TEN1: variants seen among roughly 807,000 people sequenced by gnomAD.
The protein encoded by TEN1 is CST complex subunit TEN1.
TEN1 carries 6 observed loss-of-function variants against 9.3 expected under a neutral mutation model. The observed-to-expected ratio is 0.65, with a 90% CI of 0.35 to 1.27. The LOEUF is 1.27. Ranked by LOEUF, TEN1 falls within the 50% of genes most tolerant of loss-of-function variation. TEN1 has a pLI of 0.03. For missense variants in TEN1, 149 were observed against 158.2 expected, an observed-to-expected ratio of 0.94 and a Z score of 0.31; for synonymous variants, 65 against 65.6, an observed-to-expected ratio of 0.99 and a Z score of 0.04.
intron 2 of TEN1, among the ~76,000 whole-genome samples, chr17:75,990,980 T>C (rs2066180882): frequency 6.6e-6 from 1 of 150,654 alleles, no homozygotes; most frequent in Admixed American, 6.6e-5. Flanking sequence ...TAAAACCCCT[T>C]CTCTACTAAA....
At chr17:75,993,681 C>T (rs1283349435) in intron 3 of TEN1, among the ~76,000 whole-genome samples, 1 of 152,102 alleles carries the variant, frequency 6.6e-6, no homozygotes, top group Non-Finnish European at 1.5e-5. Flanking sequence ...ATAGCAACAC[C>T]TCTGTTGGGT....
chr17:75,986,044 A>G, intron 1 of TEN1, 143 bp from the exon 2 acceptor site: 1 of 625,728 alleles, frequency 1.6e-6, no homozygotes, highest in South Asian at 2.7e-5. Context: ...CCCCCCAAAA[A>G]ATTTTTTTTT....
intron 3 of TEN1, among the ~76,000 whole-genome samples, chr17:75,993,354 C>T (rs529250109): frequency 5.3e-5 from 8 of 152,084 alleles, no homozygotes; most frequent in Admixed American, 1.3e-4. Context: ...CTGCCCGCCT[C>T]GGCCTCCCAA....
chr17:75,982,857 C>A (rs2066129780), intron 1 of TEN1, among the ~76,000 whole-genome samples: 1 of 151,612 alleles, frequency 6.6e-6, no homozygotes, highest in South Asian at 2.1e-4. Context: ...ATTACAGGCA[C>A]CCGCCATCAT....
intron 1 of TEN1, among the ~76,000 whole-genome samples, chr17:75,982,286 A>G (rs1253587387): frequency 6.6e-6 from 1 of 152,218 alleles, no homozygotes; most frequent in East Asian, 1.9e-4. Flanking sequence ...TTTATGTTCA[A>G]TCATTTGCAT....
chr17:75,999,501 C>T (rs1490973394), intron 3 of TEN1, among the ~76,000 whole-genome samples: 1 of 152,010 alleles, frequency 6.6e-6, no homozygotes, highest in Non-Finnish European at 1.5e-5. Flanking sequence ...CACCACTACA[C>T]GCGGCTAATT....
In TEN1 at chr17:76,000,301, C is replaced by T. The variant is rs764220647; in HGVS notation, c.*39C>T. 2 of 1,538,362 alleles carry T rather than the reference C, an allele frequency of 1.3e-6. No homozygotes were observed. The highest frequency in any genetic ancestry group is 1.8e-6 in the Non-Finnish European group (2 of 1,139,268). Reference sequence around the variant, plus strand: ...AGCAACACCCTCACCTGCTTCAGAGCCCGAACCCTCTGGAGCTGCAGGAGC... The same window carrying T: ...AGCAACACCCTCACCTGCTTCAGAGTCCGAACCCTCTGGAGCTGCAGGAGC... On this transcript the variant is annotated 3_prime_UTR_variant, in exon 4 of 4. Coordinates refer to ENST00000397640, the MANE Select transcript of TEN1 (RefSeq NM_001113324.3). This position sits in a 1 kb window ranked among gnomAD's most constrained non-coding sequence, Gnocchi z 5.9.
chr17:75,986,467 C>T (rs1259798665), intron 2 of TEN1, among the ~76,000 whole-genome samples, 183 bp downstream of exon 2: 2 of 151,770 alleles, frequency 1.3e-5, no homozygotes, highest in African/African-American at 4.8e-5. Context: ...TTTGGGAGGC[C>T]GAGGTGGGTG....
intron 1 of TEN1, 147 bp from the exon 2 acceptor site, chr17:75,986,039 CA>C: frequency 1.0e-5 from 6 of 583,190 alleles, no homozygotes; most frequent in South Asian, 2.7e-5. Context: ...TCCCTCCCCC[CA>C]AAAAATTTTT....
intron 1 of TEN1, among the ~76,000 whole-genome samples, chr17:75,981,904 G>A (rs1312200790): frequency 6.6e-6 from 1 of 152,180 alleles, no homozygotes; most frequent in Non-Finnish European, 1.5e-5. Flanking sequence ...CCATGTGCCT[G>A]TAGTCCCGGC....
At chr17:75,981,598 T>TG (rs2066120343) in intron 1 of TEN1, among the ~76,000 whole-genome samples, 1 of 135,062 alleles carries the variant, frequency 7.4e-6, no homozygotes, top group Non-Finnish European at 1.6e-5. Flanking sequence ...AGCAAGTTGT[T>TG]TTTTTTTTTT....
chr17:75,980,586 C>T (rs947746721), intron 1 of TEN1, among the ~76,000 whole-genome samples: 3 of 151,306 alleles, frequency 2.0e-5, no homozygotes, highest in Non-Finnish European at 4.4e-5. Context: ...CGCCACCACA[C>T]CCAGCTAATT....
chr17:75,985,967 G>A (rs1031131771), intron 1 of TEN1, among the ~76,000 whole-genome samples: 6 of 151,462 alleles, frequency 4.0e-5, no homozygotes, highest in Non-Finnish European at 8.8e-5. Context: ...GTATACATGT[G>A]CCATGTTGGT....
chr17:75,992,597 C>T (rs2066192726), intron 3 of TEN1, among the ~76,000 whole-genome samples: 1 of 151,904 alleles, frequency 6.6e-6, no homozygotes, highest in African/African-American at 2.4e-5. Flanking sequence ...ACTGCAAGCT[C>T]CGCCTCCCGG....
At chr17:75,988,584 A>T (rs1229603358) in intron 2 of TEN1, among the ~76,000 whole-genome samples, 1 of 150,680 alleles carries the variant, frequency 6.6e-6, no homozygotes, top group Admixed American at 6.6e-5. Flanking sequence ...AAAAAAAAAA[A>T]AAAGAAAAGA....
chr17:75,998,285 A>G (rs1157898990), intron 3 of TEN1, among the ~76,000 whole-genome samples: 1 of 147,880 alleles, frequency 6.8e-6, no homozygotes, highest in Non-Finnish European at 1.5e-5. Flanking sequence ...CTCGTGCCTC[A>G]GCCTCCCAAG....
chr17:76,000,569 A>AG lies in TEN1; in HGVS notation c.*312dup, dbSNP rs1198179046. ...AGAAGGTCCTGGTGAATAAAGGCCC[A>AG]GGGGGCGTGCTCTTGAAGTGTGCTC... On this transcript the variant is annotated 3_prime_UTR_variant, in exon 4 of 4. Transcript: ENST00000397640. The surrounding 1 kb of genome is among the most constrained non-coding windows in gnomAD (Gnocchi z 5.9). The AG allele has an allele frequency of 3.4e-6, 1 of 296,906 alleles. No individual in the cohort carries two copies. The highest frequency in any genetic ancestry group is 6.3e-6 in the Non-Finnish European group (1 of 159,992). 18.4% of individuals were successfully genotyped at this position (296,906 alleles called of 1,614,324 possible).
chr17:75,989,457 G>C (rs889611998), intron 2 of TEN1, among the ~76,000 whole-genome samples: 16 of 151,298 alleles, frequency 1.1e-4, no homozygotes, highest in South Asian at 2.1e-4. Flanking sequence ...CTGTCGCCAG[G>C]CTGGAGTGCA....
intron 2 of TEN1, among the ~76,000 whole-genome samples, chr17:75,990,891 TG>T (rs1251739730): frequency 6.6e-6 from 1 of 151,368 alleles, no homozygotes; most frequent in Non-Finnish European, 1.5e-5. Flanking sequence ...GGCTCATGCC[TG>T]TAATCCCAGT....
Sources: gnomAD v4.1 joint callset for allele counts (sites outside exome capture counted in the v4.1 genomes callset) on GRCh38, gnomAD v4.1.1 for gene constraint, Gnocchi (gnomAD v3.1) non-coding constraint, MANE v1.5 for transcripts, NCBI Gene and HGNC (gene_info 2026-07-23, HGNC 2026-07-21) for gene names.